The following SEPTIN7 variants were observed in gnomAD, a reference collection of about 807,000 sequenced individuals.
SEPTIN7 encodes the protein septin 7.
SEPTIN7 carries 10 observed loss-of-function variants against 63.3 expected under a neutral mutation model. The ratio of observed to expected loss-of-function variants is 0.16; its 90% CI spans 0.10 to 0.27. The LOEUF (loss-of-function observed/expected upper bound fraction) is 0.27. SEPTIN7 is among the 10% of genes least tolerant of loss of function. The pLI, the probability that SEPTIN7 is intolerant of heterozygous loss-of-function variation, is 1.00. For synonymous variants in SEPTIN7, 131 were observed against 165.3 expected (o/e 0.79, Z 1.59); for missense variants, 310 against 521.0 (o/e 0.59, Z 3.94).
At chr7:35,841,513 A>G (rs1784407566) in intron 3 of SEPTIN7, among the ~76,000 whole-genome samples, 2 of 152,242 alleles carry the variant, frequency 1.3e-5, no homozygotes, top group Admixed American at 6.5e-5. Context: ...GATAAACTTC[A>G]TAGTATATAG....
downstream of SEPTIN7, chr7:35,907,174 A>C (rs1184618769): frequency 1.3e-5 from 2 of 152,192 alleles, no homozygotes; most frequent in Non-Finnish European, 2.9e-5. Context: ...TGGATAGTTA[A>C]TAGTTATTGT....
chr7:35,802,023 G>A (rs375561241), intron 1 of SEPTIN7, among the ~76,000 whole-genome samples: 2 of 152,316 alleles, frequency 1.3e-5, no homozygotes, highest in East Asian at 1.9e-4. Flanking sequence ...TAGGAGTAAG[G>A]GAAAGAGAAC....
At chr7:35,819,432 G>A (rs1314936583) in intron 1 of SEPTIN7, among the ~76,000 whole-genome samples, 1 of 152,158 alleles carries the variant, frequency 6.6e-6, no homozygotes, top group Non-Finnish European at 1.5e-5. Flanking sequence ...TTTTTGGGTG[G>A]AATGTTGTAC....
chr7:35,802,696 G>A (rs1452360580), intron 1 of SEPTIN7, among the ~76,000 whole-genome samples: 3 of 152,146 alleles, frequency 2.0e-5, no homozygotes, highest in Non-Finnish European at 4.4e-5. Flanking sequence ...TGAAATTTAT[G>A]GAATCCTGAT....
intron 3 of SEPTIN7, among the ~76,000 whole-genome samples, chr7:35,853,430 G>C (rs572310829): frequency 1.5e-4 from 23 of 152,252 alleles, no homozygotes; most frequent in African/African-American, 4.3e-4. Flanking sequence ...CCTCGGGGCT[G>C]GGCGGGGGAA....
chr7:35,887,956 A>G (rs1787369200), intron 10 of SEPTIN7, among the ~76,000 whole-genome samples: 1 of 152,202 alleles, frequency 6.6e-6, no homozygotes, highest in South Asian at 2.1e-4. Context: ...TGCAGGTCAA[A>G]GGAATAGTGA....
intron 3 of SEPTIN7, among the ~76,000 whole-genome samples, chr7:35,833,872 C>T (rs766432610): frequency 2.0e-5 from 3 of 151,968 alleles, no homozygotes; most frequent in Non-Finnish European, 4.4e-5. Context: ...ATTTTATCTA[C>T]TGACTGCAAT....
intron 1 of SEPTIN7, among the ~76,000 whole-genome samples, chr7:35,808,680 C>G (rs1788508337): frequency 6.6e-6 from 1 of 152,178 alleles, no homozygotes; most frequent in Admixed American, 6.5e-5. Flanking sequence ...GCAAAAGGGT[C>G]AAGCACCTCC....
intron 3 of SEPTIN7, chr7:35,847,552 A>T (rs921442828): frequency 1.3e-5 from 2 of 152,242 alleles, no homozygotes; most frequent in African/African-American, 2.4e-5. Context: ...TGAAATTTTT[A>T]AAAAAGTACT....
intron 3 of SEPTIN7, among the ~76,000 whole-genome samples, chr7:35,851,113 A>T (rs1784934435): frequency 6.6e-6 from 1 of 152,134 alleles, no homozygotes; most frequent in South Asian, 2.1e-4. Flanking sequence ...TTTAGGCTTG[A>T]AATTTAACAT....
intron 1 of SEPTIN7, among the ~76,000 whole-genome samples, chr7:35,820,469 A>G (rs913364466): frequency 5.3e-5 from 8 of 151,564 alleles, no homozygotes; most frequent in Non-Finnish European, 1.0e-4. Flanking sequence ...TATTTAACCC[A>G]TTTTCAGGTT....
the SEPTIN7 span, among the ~76,000 whole-genome samples, chr7:35,912,596 G>A: frequency 2.6e-5 from 4 of 152,158 alleles, no homozygotes; most frequent in African/African-American, 7.2e-5. Flanking sequence ...GCACCACTGG[G>A]TTAGAGTCTC....
intron 6 of SEPTIN7, among the ~76,000 whole-genome samples, chr7:35,879,004 A>G (rs1786660413): frequency 6.6e-6 from 1 of 152,238 alleles, no homozygotes; most frequent in Non-Finnish European, 1.5e-5. Flanking sequence ...GGAATTCTAA[A>G]GAATGTACTT....
intron 1 of SEPTIN7, among the ~76,000 whole-genome samples, chr7:35,817,713 A>G (rs1789163825): frequency 6.6e-6 from 1 of 152,002 alleles, no homozygotes; most frequent in Non-Finnish European, 1.5e-5. Context: ...GTTTTTGTGA[A>G]CAACATTTTT....
chr7:35,904,140 A>C (rs1788485145), intron 13 of SEPTIN7, 114 bp from the exon 14 acceptor site: 1 of 624,834 alleles, frequency 1.6e-6, no homozygotes, highest in Non-Finnish European at 2.5e-6. Flanking sequence ...TCAGTGAAAA[A>C]GTAGTATCTG....
At chr7:35,815,147 G>A (rs148662187) in intron 1 of SEPTIN7, 3 of 447,996 alleles carry the variant, frequency 6.7e-6, no homozygotes, top group African/African-American at 4.0e-5. Context: ...ATTTTTAGGG[G>A]TACTTCTTTA....
At chr7:35,908,083 T>A (rs1480616558), downstream of SEPTIN7, among the ~76,000 whole-genome samples, 4 of 152,170 alleles carry the variant, frequency 2.6e-5, no homozygotes, top group Non-Finnish European at 5.9e-5. Flanking sequence ...TCCATGGAAA[T>A]AAGGTAATTT....
At chr7:35,842,692 A>G (rs1380390113) in intron 3 of SEPTIN7, among the ~76,000 whole-genome samples, 1 of 152,148 alleles carries the variant, frequency 6.6e-6, no homozygotes, top group African/African-American at 2.4e-5. Flanking sequence ...TTTACTGCAC[A>G]TGATTACTGT....
At chr7:35,833,832 G>A (rs1783950041) in intron 3 of SEPTIN7, among the ~76,000 whole-genome samples, 1 of 151,988 alleles carries the variant, frequency 6.6e-6, no homozygotes, top group African/African-American at 2.4e-5. Flanking sequence ...TGAACTAGCT[G>A]TGAAATACTC....
Sources: gnomAD v4.1 joint callset for allele counts (sites outside exome capture counted in the v4.1 genomes callset) on GRCh38, gnomAD v4.1.1 for gene constraint, MANE v1.5 for transcripts, NCBI Gene and HGNC (gene_info 2026-07-23, HGNC 2026-07-21) for gene names.